CPEB4: variants seen among roughly 807,000 people sequenced by gnomAD.
CPEB4 encodes the protein cytoplasmic polyadenylation element binding protein 4, also known as cytoplasmic polyadenylation element-binding protein 4.
A neutral mutation model predicts 72.5 loss-of-function variants in CPEB4; 12 were observed. The observed-to-expected ratio is 0.17, with a 90% CI of 0.11 to 0.27. The LOEUF is 0.27. Ranked by LOEUF, CPEB4 falls within the 10% of genes least tolerant of loss-of-function variation. CPEB4 has a pLI of 1.00. For missense variants in CPEB4, 614 were observed against 908.5 expected (o/e 0.68, Z 4.17); for synonymous variants, 302 against 326.3 (o/e 0.93, Z 0.80).
chr5:173,889,884 GCCAAT>G lies in CPEB4; in HGVS notation c.152_156del (p.Ala51GlyfsTer17). 1 of 1,614,142 alleles carries G rather than the reference GCCAAT, an allele frequency of 6.2e-7. No individual in the cohort carries two copies. Among genetic ancestry groups the G allele is most frequent in the Non-Finnish European group, 8.5e-7 (1 of 1,180,028 alleles). ...TGCTTTTATAAATAATAACACAGCT[GCCAAT>G]GGCAGCAGTGCTGGGTCAGCTTGGC... is the stretch of plus-strand genomic sequence containing the variant. On this transcript the variant is annotated frameshift_variant, in exon 1 of 10. Transcript: ENST00000265085. LOFTEE classifies it high-confidence loss of function.
chr5:173,889,517 G>A lies in CPEB4; in HGVS notation c.-217G>A, dbSNP rs1363206074. 3 of 452,112 alleles carry A rather than the reference G, an allele frequency of 6.6e-6. No individual in the cohort carries two copies. The highest frequency in any genetic ancestry group is 2.0e-5 in the African/African-American group (1 of 49,262). 28.0% of individuals were successfully genotyped at this position (452,112 alleles called of 1,614,324 possible). A position where few individuals can be genotyped will look rare whatever the true frequency, so the allele number is the denominator to read the frequency against. On this transcript the variant is annotated 5_prime_UTR_variant, in exon 1 of 10. An upstream start codon of the reference 5' UTR is lost. Transcript: ENST00000265085. ...TAAGCCCAATTGGATCCAAGTCAATGTTTTAAGAGATTTTTTTAAGAGTTG... is the reference window on the plus strand; with the variant it reads ...TAAGCCCAATTGGATCCAAGTCAATATTTTAAGAGATTTTTTTAAGAGTTG...
At chr5:173,910,477 T>C (rs754430235) in intron 1 of CPEB4, 46 bp from the exon 2 acceptor site, 27 of 1,334,984 alleles carry the variant, frequency 2.0e-5, no homozygotes, top group Admixed American at 3.5e-5. Context: ...TCTTTTATAT[T>C]TAAATGCTAT....
Position 173,961,819 on chromosome 5 carries a change from T to G in CPEB4, c.*5682T>G, listed in dbSNP as rs563005647. The G allele has an allele frequency of 6.6e-6, 1 of 152,042 alleles. No homozygotes were observed. Among genetic ancestry groups the G allele is most frequent in the Non-Finnish European group, 1.5e-5 (1 of 67,982 alleles). 9.4% of individuals were successfully genotyped at this position (152,042 alleles called of 1,614,324 possible). ...AAGAATACTGAAGGTGTCAGTGAGT[T>G]AGAAATTTTTAAGGAGTAATTATTT... On this transcript the variant is annotated 3_prime_UTR_variant, in exon 10 of 10. Coordinates refer to ENST00000265085, the MANE Select transcript of CPEB4 (RefSeq NM_030627.4).
chr5:173,950,183 C>T lies in CPEB4; in HGVS notation c.1665+105C>T, dbSNP rs1758167884. 6.2e-6 allele frequency: 4 copies of T among 643,024 alleles called. No homozygotes were observed. In the South Asian group the frequency reaches 6.5e-5, roughly 10 times the overall value. 39.8% of individuals were successfully genotyped at this position (643,024 alleles called of 1,614,324 possible). A position where few individuals can be genotyped will look rare whatever the true frequency, so the allele number is the denominator to read the frequency against. ...TGATGTGTTTGGGGTACTTAATTGA[C>T]ATGTTTGTAAGCAGACTAAGTAGTC... On this transcript the variant is annotated intron_variant, in intron 7 of 9. Coordinates refer to ENST00000265085, the MANE Select transcript of CPEB4 (RefSeq NM_030627.4). The surrounding 1 kb of genome is among the most constrained non-coding windows in gnomAD (Gnocchi z 5.0).
chr5:173,905,788 A>G (rs1756414504), intron 1 of CPEB4, among the ~76,000 whole-genome samples: 2 of 152,258 alleles, frequency 1.3e-5, no homozygotes, highest in South Asian at 4.1e-4. Context: ...GTCATAATTT[A>G]AACTGTAAAT....
intron 2 of CPEB4, among the ~76,000 whole-genome samples, chr5:173,929,979 A>G (rs1248242492): frequency 6.6e-6 from 1 of 152,118 alleles, no homozygotes; most frequent in South Asian, 2.1e-4. Context: ...TAAAATCTCT[A>G]TATATGTTCC....
chr5:173,950,197 G>GA lies in CPEB4; in HGVS notation c.1665+120dup. On this transcript the variant is annotated intron_variant, in intron 7 of 9. Transcript: ENST00000265085. This position sits in a 1 kb window ranked among gnomAD's most constrained non-coding sequence, Gnocchi z 5.0. ...TACTTAATTGACATGTTTGTAAGCA[G>GA]ACTAAGTAGTCTTGTTGTGAAGTTC... The GA allele has an allele frequency of 1.7e-6, 1 of 589,284 alleles. No individual in the cohort carries two copies. Among genetic ancestry groups the GA allele is most frequent in the Non-Finnish European group, 3.0e-6 (1 of 337,114 alleles). 36.5% of individuals were successfully genotyped at this position (589,284 alleles called of 1,614,324 possible).
intron 1 of CPEB4, among the ~76,000 whole-genome samples, chr5:173,907,362 A>G (rs976613586): frequency 3.2e-4 from 48 of 152,230 alleles, no homozygotes; most frequent in African/African-American, 1.1e-3. Flanking sequence ...GACTTACTGG[A>G]AATAGTTCTT....
rs1758550345 is a variant in CPEB4, at chr5:173,961,521, C to A, written c.*5384C>A. On this transcript the variant is annotated 3_prime_UTR_variant, in exon 10 of 10. Transcript: ENST00000265085. ...AGAGGCTTCCTGGGCTATATTTCTT[C>A]ATTCACTGATTGCCTAAACCTACCC... 1 of 152,126 alleles carries A rather than the reference C, an allele frequency of 6.6e-6. No individual in the cohort carries two copies. The highest frequency in any genetic ancestry group is 6.5e-5 in the Admixed American group (1 of 15,282). The allele number at this position is 152,126 out of a possible 1,614,324, so 9.4% of individuals were successfully genotyped here.
intron 2 of CPEB4, among the ~76,000 whole-genome samples, chr5:173,916,962 A>G (rs1295601256): frequency 2.6e-5 from 4 of 152,202 alleles, no homozygotes; most frequent in African/African-American, 9.7e-5. Flanking sequence ...TTCTTTCGAT[A>G]CACCATTTTA....
chr5:173,953,105 A>G lies in CPEB4; in HGVS notation c.1795A>G (p.Ile599Val). Residue 599 changes from isoleucine (I) to valine (V), a missense_variant, in exon 9 of 10, where the codon ATA becomes GTA. Physicochemically the swap from Ile to Val is conservative, Grantham distance 29. This residue lies in a region of CPEB4 where 101 missense variants were observed against 243.1 expected (regional missense o/e 0.42). Coordinates refer to ENST00000265085, the MANE Select transcript of CPEB4 (RefSeq NM_030627.4). ...RPLRAVELAMIMDRLYGGVCY... is the reference protein window; with the variant it reads ...RPLRAVELAMVMDRLYGGVCY... ...TTCTTAATTAGTGGAGCTTGCGATGATAATGGATCGGCTATATGGAGGTGT... is the reference window on the plus strand; with the variant it reads ...TTCTTAATTAGTGGAGCTTGCGATGGTAATGGATCGGCTATATGGAGGTGT... 6.2e-7 allele frequency: 1 copy of G among 1,602,894 alleles called. No homozygotes were observed. Among genetic ancestry groups the G allele is most frequent in the Non-Finnish European group, 8.5e-7 (1 of 1,173,888 alleles).
chr5:173,893,985 C>A (rs1755909175), intron 1 of CPEB4, among the ~76,000 whole-genome samples: 1 of 152,046 alleles, frequency 6.6e-6, no homozygotes. Context: ...TCACTCAAAT[C>A]CTGATTTTGT....
chr5:173,898,244 G>T (rs1244012392), intron 1 of CPEB4, among the ~76,000 whole-genome samples: 2 of 151,962 alleles, frequency 1.3e-5, no homozygotes, highest in African/African-American at 4.8e-5. Context: ...GTATTCTTGA[G>T]GAATGCATCT....
At chr5:173,941,673 G>A (rs1452314476) in intron 3 of CPEB4, among the ~76,000 whole-genome samples, 1 of 151,892 alleles carries the variant, frequency 6.6e-6, no homozygotes, top group Admixed American at 6.6e-5. Flanking sequence ...AGGAGTTCGA[G>A]ACCAATTTGG....
At position 173,960,350 on chromosome 5, in the gene CPEB4, T is replaced by G. The variant is rs1430629380; in HGVS notation, c.*4213T>G. The G allele has an allele frequency of 6.5e-6, 1 of 152,842 alleles. No homozygotes were observed. Among genetic ancestry groups the G allele is most frequent in the Admixed American group, 6.5e-5 (1 of 15,304 alleles). The allele number at this position is 152,842 out of a possible 1,614,324, so 9.5% of individuals were successfully genotyped here. On this transcript the variant is annotated 3_prime_UTR_variant, in exon 10 of 10. Transcript: ENST00000265085. ...CTTATTTCTTTTTAACACAAGTAGA[T>G]GATGCTTTCTTGACTGGGAATGTAA...
In CPEB4 at chr5:173,950,010, G is replaced by A; in HGVS notation, c.1597G>A (p.Asp533Asn). 6.2e-7 allele frequency: 1 copy of A among 1,612,322 alleles called. No homozygotes were observed. Among genetic ancestry groups the A allele is most frequent in the Non-Finnish European group, 8.5e-7 (1 of 1,179,282 alleles). The change falls in exon 7 of 10, where the codon GAT (aspartate) becomes AAT (asparagine). Residue 533 changes from aspartate (D) to asparagine (N), a missense_variant. Physicochemically the swap from Asp to Asn is conservative, Grantham distance 23. Coordinates refer to ENST00000265085, the MANE Select transcript of CPEB4 (RefSeq NM_030627.4). The surrounding 1 kb of genome is among the most constrained non-coding windows in gnomAD (Gnocchi z 5.0). ...QDESSVQALI[D>N]ACIEEDGKLY... is the part of the protein sequence containing the mutation. ...TGAAAGCTCTGTGCAGGCTCTCATT[G>A]ATGCATGCATTGAAGAAGATGGAAA...
chr5:173,926,000 C>T (rs936380547), intron 2 of CPEB4, among the ~76,000 whole-genome samples: 2 of 152,156 alleles, frequency 1.3e-5, no homozygotes, highest in South Asian at 2.1e-4. Context: ...AAATTTTATG[C>T]TACTTGTCAC....
chr5:173,890,075 A>G lies in CPEB4; in HGVS notation c.342A>G (p.Lys114=), dbSNP rs1385612352. The change falls in exon 1 of 10, where the codon AAA becomes AAG. Residue 114 remains lysine, a synonymous_variant. Transcript: ENST00000265085. The part of the protein sequence containing the change: ...AGILPETEKA[K]SEENQGDNSS... Reference sequence around the variant, plus strand: ...TACTGCCTGAAACAGAGAAGGCAAAATCAGAAGAAAATCAAGGGGACAATT... The same window carrying G: ...TACTGCCTGAAACAGAGAAGGCAAAGTCAGAAGAAAATCAAGGGGACAATT... 6.2e-7 allele frequency: 1 copy of G among 1,614,044 alleles called. No individual in the cohort carries two copies. The highest frequency in any genetic ancestry group is 8.5e-7 in the Non-Finnish European group (1 of 1,180,030).
At chr5:173,929,607 G>A (rs1490468712) in intron 2 of CPEB4, among the ~76,000 whole-genome samples, 3 of 152,068 alleles carry the variant, frequency 2.0e-5, no homozygotes, top group African/African-American at 7.2e-5. Flanking sequence ...ACTTGAGGTG[G>A]TAGGATCACT....
Sources: allele counts gnomAD v4.1 joint callset (sites outside exome capture counted in the v4.1 genomes callset), GRCh38; gene constraint gnomAD v4.1.1; regional missense constraint gnomAD v4.1.1; non-coding constraint Gnocchi (gnomAD v3.1); transcripts MANE v1.5; gene names NCBI Gene and HGNC (gene_info 2026-07-23, HGNC 2026-07-21).